The following CAB39 variants were observed in gnomAD, a reference collection of about 807,000 sequenced individuals.
CAB39 encodes calcium binding protein 39, also known as calcium-binding protein 39.
In CAB39, 8 loss-of-function variants were observed where a neutral mutation model predicts 40.0. The ratio of observed to expected loss-of-function variants is 0.20; its 90% CI spans 0.12 to 0.36. The LOEUF (loss-of-function observed/expected upper bound fraction) is 0.36. Ranked by LOEUF, CAB39 falls within the 10% of genes least tolerant of loss-of-function variation. The probability of loss-of-function intolerance (pLI) is 1.00; values close to 1 mark genes in which losing one functional copy is unlikely to be tolerated. For synonymous variants in CAB39, 156 were observed against 141.6 expected, an observed-to-expected ratio of 1.10 and a Z score of -0.72; for missense variants, 270 against 401.1, an observed-to-expected ratio of 0.67 and a Z score of 2.79.
chr2:230,787,516 C>T (rs192006037), intron 2 of CAB39, among the ~76,000 whole-genome samples: 144 of 152,284 alleles, frequency 9.5e-4, no homozygotes, highest in African/African-American at 3.3e-3. Flanking sequence ...CAGTGTCATT[C>T]GCCCCAGTTT....
intron 2 of CAB39, among the ~76,000 whole-genome samples, chr2:230,782,483 T>A (rs977312683): frequency 2.0e-5 from 3 of 152,118 alleles, no homozygotes; most frequent in African/African-American, 7.2e-5. Flanking sequence ...TTTTCTTTTT[T>A]AAATAAAAGT....
intron 1 of CAB39, among the ~76,000 whole-genome samples, chr2:230,739,360 CTG>C (rs1436186175): frequency 1.3e-5 from 2 of 152,156 alleles, no homozygotes; most frequent in East Asian, 1.9e-4. Flanking sequence ...GTTAGGGTAT[CTG>C]TGAATAAATC....
chr2:230,795,225 G>A (rs1026372997), intron 4 of CAB39, among the ~76,000 whole-genome samples: 13 of 151,002 alleles, frequency 8.6e-5, no homozygotes, highest in South Asian at 4.2e-4. Context: ...GCAGTGAGCC[G>A]AGATTGCGCC....
chr2:230,781,630 C>T (rs1695688391), intron 2 of CAB39, among the ~76,000 whole-genome samples: 1 of 152,128 alleles, frequency 6.6e-6, no homozygotes, highest in Non-Finnish European at 1.5e-5. Flanking sequence ...GATTCAGCAG[C>T]TTGAAAAGGA....
At chr2:230,802,113 T>C (rs1696100665) in intron 5 of CAB39, among the ~76,000 whole-genome samples, 1 of 152,130 alleles carries the variant, frequency 6.6e-6, no homozygotes, top group South Asian at 2.1e-4. Flanking sequence ...TTTCTGCCAC[T>C]CAAAACCACA....
intron 1 of CAB39, among the ~76,000 whole-genome samples, chr2:230,735,028 T>C (rs1445880632): frequency 6.6e-6 from 1 of 152,148 alleles, no homozygotes; most frequent in East Asian, 1.9e-4. Context: ...CATCGGCTTG[T>C]TTTTCATTTA....
chr2:230,791,013 G>T lies in CAB39; in HGVS notation c.256G>T (p.Asp86Tyr). The change falls in exon 3 of 9, where the codon GAT (aspartate) becomes TAT (tyrosine). Residue 86 changes from aspartate to tyrosine, a missense_variant. Coordinates refer to ENST00000258418, the MANE Select transcript of CAB39 (RefSeq NM_016289.4). Reference sequence around the variant, plus strand: ...TGGGCTCCTTAGCACCCTGGTAGCTGATTTACAGCTCATTGACTTTGAGGT... The same window carrying T: ...TGGGCTCCTTAGCACCCTGGTAGCTTATTTACAGCTCATTGACTTTGAGGT... ...NSGLLSTLVA[D>Y]LQLIDFEGKK... The T allele has an allele frequency of 6.3e-7, 1 of 1,593,632 alleles. No individual in the cohort carries two copies. Among genetic ancestry groups the T allele is most frequent in the Non-Finnish European group, 8.5e-7 (1 of 1,174,206 alleles).
chr2:230,817,528 C>T (rs757706143), intron 7 of CAB39, among the ~76,000 whole-genome samples: 5 of 152,052 alleles, frequency 3.3e-5, no homozygotes, highest in African/African-American at 7.2e-5. Context: ...CAGAGAGAAG[C>T]GTCAGGCCTC....
chr2:230,798,960 C>T (rs911913492), intron 5 of CAB39, 63 bp downstream of exon 5: 10 of 1,238,892 alleles, frequency 8.1e-6, no homozygotes, highest in Non-Finnish European at 1.0e-5. Flanking sequence ...TTTTCTAAAC[C>T]TTCATTGCCC....
chr2:230,816,590 T>C (rs1198085557), intron 7 of CAB39, among the ~76,000 whole-genome samples: 1 of 152,198 alleles, frequency 6.6e-6, no homozygotes, highest in Non-Finnish European at 1.5e-5. Flanking sequence ...ACTTCAAGTA[T>C]CTAGAACATA....
At chr2:230,768,618 G>A (rs1427410395) in intron 2 of CAB39, among the ~76,000 whole-genome samples, 1 of 152,192 alleles carries the variant, frequency 6.6e-6, no homozygotes, top group Non-Finnish European at 1.5e-5. Context: ...ACAAAAATTG[G>A]AGGAGAATAG....
At chr2:230,733,656 G>A (rs571134411) in intron 1 of CAB39, among the ~76,000 whole-genome samples, 10 of 152,292 alleles carry the variant, frequency 6.6e-5, no homozygotes, top group African/African-American at 1.9e-4. Context: ...TTAAATGGTT[G>A]TTACTGGATG....
intron 5 of CAB39, among the ~76,000 whole-genome samples, chr2:230,799,844 G>T (rs1168397799): frequency 1.3e-5 from 2 of 151,992 alleles, no homozygotes; most frequent in Middle Eastern, 3.2e-3. Flanking sequence ...TATAAAATCA[G>T]CCGGGCGTAG....
intron 2 of CAB39, among the ~76,000 whole-genome samples, chr2:230,764,409 G>A (rs769482943): frequency 2.6e-4 from 39 of 152,164 alleles, no homozygotes; most frequent in Admixed American, 2.6e-4. Flanking sequence ...TGTGAGTTGG[G>A]TGTGTAGTAC....
At position 230,810,325 on chromosome 2, in the gene CAB39, A is replaced by G. The variant is rs755587231; in HGVS notation, c.627+3A>G. ...TTTTGGAACAGCATTATGATAGAGT[A>G]AGTATATGAAATACTATTTTTAAAT... On this transcript the variant is annotated splice_donor_region_variant and intron_variant, in intron 6 of 8. Coordinates refer to ENST00000258418, the MANE Select transcript of CAB39 (RefSeq NM_016289.4). 29 of 1,121,284 alleles carry G rather than the reference A, an allele frequency of 2.6e-5. No individual in the cohort carries two copies. Among genetic ancestry groups the G allele is most frequent in the Non-Finnish European group, 3.5e-5 (27 of 780,280 alleles). The allele number at this position is 1,121,284 out of a possible 1,614,324, so 69.5% of individuals were successfully genotyped here. A position where few individuals can be genotyped will look rare whatever the true frequency, so the allele number is the denominator to read the frequency against.
intron 1 of CAB39, among the ~76,000 whole-genome samples, chr2:230,727,008 G>T (rs1372993109): frequency 6.6e-6 from 1 of 151,432 alleles, no homozygotes; most frequent in Non-Finnish European, 1.5e-5. Flanking sequence ...TTGAGAAGAG[G>T]AAGGAATAAT....
At chr2:230,749,366 C>A (rs1308451915) in intron 1 of CAB39, among the ~76,000 whole-genome samples, 2 of 151,960 alleles carry the variant, frequency 1.3e-5, no homozygotes, top group East Asian at 3.9e-4. Context: ...CCTACTCTTT[C>A]ATGAAGTCTT....
In CAB39 at chr2:230,775,989, A is replaced by G. The variant is rs1695578230; in HGVS notation, c.115-14883A>G. 3.3e-5 allele frequency among the ~76,000 whole-genome samples: 5 copies of G among 152,224 alleles called. No homozygotes were observed. The South Asian group carries it at 1.0e-3, about 32-fold the overall frequency. Reference sequence around the variant, plus strand: ...TGTCAGAGACAGATACAGAGATGACAGGTTTGAAGTGACGTTTAAGCTGAT... The same window carrying G: ...TGTCAGAGACAGATACAGAGATGACGGGTTTGAAGTGACGTTTAAGCTGAT... On this transcript the variant is annotated intron_variant, in intron 2 of 8. Coordinates refer to ENST00000258418, the MANE Select transcript of CAB39 (RefSeq NM_016289.4).
At chr2:230,766,532 C>T (rs553038505) in intron 2 of CAB39, among the ~76,000 whole-genome samples, 7 of 152,264 alleles carry the variant, frequency 4.6e-5, no homozygotes, top group African/African-American at 1.7e-4. Flanking sequence ...CTACCTCCAG[C>T]ACTAGGGTTA....
Sources: gnomAD v4.1 joint callset for allele counts (sites outside exome capture counted in the v4.1 genomes callset) on GRCh38, gnomAD v4.1.1 for gene constraint, MANE v1.5 for transcripts, NCBI Gene and HGNC (gene_info 2026-07-23, HGNC 2026-07-21) for gene names.